Variants in IL1RAPL1 observed in about 807,000 individuals in gnomAD.
IL1RAPL1 encodes the protein interleukin 1 receptor accessory protein like 1, also known as interleukin-1 receptor accessory protein-like 1.
Under a neutral mutation model 48.4 loss-of-function variants are expected in IL1RAPL1, and 3 were observed. The ratio of observed to expected loss-of-function variants is 0.06; its 90% CI spans 0.03 to 0.16. The LOEUF is 0.16. IL1RAPL1 is among the 10% of genes least tolerant of loss of function. IL1RAPL1 has a pLI of 1.00. For synonymous variants in IL1RAPL1, 185 were observed against 187.7 expected, an observed-to-expected ratio of 0.99 and a Z score of 0.12; for missense variants, 349 against 530.6, an observed-to-expected ratio of 0.66 and a Z score of 3.36.
At chrX:29,034,949 G>A (rs1244612747) in intron 2 of IL1RAPL1, among the ~76,000 whole-genome samples, 1 of 109,530 alleles carries the variant, frequency 9.1e-6, no homozygotes, top group African/African-American at 3.3e-5. Context: ...CTGCCTCCTG[G>A]GTTCACACCA....
intron 1 of IL1RAPL1, among the ~76,000 whole-genome samples, chrX:28,749,491 T>C (rs1936014321): frequency 8.9e-6 from 1 of 111,815 alleles, no homozygotes; most frequent in Non-Finnish European, 1.9e-5. Context: ...TTGAGGTTGA[T>C]TTGCATTTCT....
intron 2 of IL1RAPL1, among the ~76,000 whole-genome samples, chrX:28,952,334 A>T (rs745311648): frequency 1.8e-5 from 2 of 111,425 alleles, no homozygotes; most frequent in Non-Finnish European, 3.8e-5. Context: ...ATGGGCATTT[A>T]AAAAAGTTAT....
chrX:29,310,093 C>CAAAAA lies in IL1RAPL1; in HGVS notation c.362+26908_362+26912dup, dbSNP rs57210050. ...TGGGCGACAGAGCGAGACTCCGTCTCAAAAAAAAAAAAAAAAAAAAAAAAA... is the reference window on the plus strand; with the variant it reads ...TGGGCGACAGAGCGAGACTCCGTCTCAAAAAAAAAAAAAAAAAAAAAAAAAAAAAA... On this transcript the variant is annotated intron_variant, in intron 3 of 10. Coordinates refer to ENST00000378993, the MANE Select transcript of IL1RAPL1 (RefSeq NM_014271.4). 3.4e-3 allele frequency among the ~76,000 whole-genome samples: 80 copies of CAAAAA among 23,729 alleles called. 4 individuals are homozygous for CAAAAA. The highest frequency in any genetic ancestry group is 6.8e-3 in the East Asian group (3 of 443). 20.6% of individuals were successfully genotyped at this position (23,729 alleles called of 115,157 possible). A position where few individuals can be genotyped will look rare whatever the true frequency, so the allele number is the denominator to read the frequency against.
At chrX:29,921,387 C>T (rs773571566) in intron 8 of IL1RAPL1, among the ~76,000 whole-genome samples, 8 of 111,608 alleles carry the variant, frequency 7.2e-5, no homozygotes, top group African/African-American at 1.9e-4. Context: ...CTTTATTGGG[C>T]AATAGATTCC....
chrX:28,784,868 C>T (rs551662097), intron 1 of IL1RAPL1, among the ~76,000 whole-genome samples: 118 of 111,306 alleles, frequency 1.1e-3, no homozygotes, highest in Admixed American at 1.4e-3. Flanking sequence ...CTCTTCTTTC[C>T]TCTGAATCTC....
intron 2 of IL1RAPL1, among the ~76,000 whole-genome samples, chrX:29,112,491 G>A (rs1928592496): frequency 9.4e-6 from 1 of 106,036 alleles, no homozygotes; most frequent in South Asian, 4.2e-4. Flanking sequence ...TTTTCAATAG[G>A]AACAGTCAGG....
intron 2 of IL1RAPL1, among the ~76,000 whole-genome samples, chrX:28,961,940 C>T (rs771168908): frequency 9.0e-6 from 1 of 111,499 alleles, no homozygotes; most frequent in South Asian, 3.8e-4. Flanking sequence ...TTTGATTCAG[C>T]CAAAGAATAA....
In IL1RAPL1 at chrX:29,297,289, C is replaced by T. The variant is rs921686967; in HGVS notation, c.362+14072C>T. ...TTAAGTAAGATAGTTTAGTTTCTCA[C>T]GTAAAGTAGTTATAAGGTAGGCATT... On this transcript the variant is annotated intron_variant, in intron 3 of 10. Transcript: ENST00000378993. Among the ~76,000 whole-genome samples the T allele has an allele frequency of 2.5e-4, 28 of 112,382 alleles. No homozygotes were observed. In the East Asian group the frequency reaches 3.1e-3, roughly 12 times the overall value.
intron 6 of IL1RAPL1, among the ~76,000 whole-genome samples, chrX:29,797,405 A>C (rs1264650134): frequency 8.9e-6 from 1 of 112,141 alleles, no homozygotes; most frequent in Non-Finnish European, 1.9e-5. Flanking sequence ...CACGTTATTT[A>C]AATTCAACTC....
At chrX:29,076,709 G>A (rs1447706326) in intron 2 of IL1RAPL1, among the ~76,000 whole-genome samples, 3 of 110,437 alleles carry the variant, frequency 2.7e-5, no homozygotes, top group African/African-American at 6.6e-5. Context: ...TGGGAAATAC[G>A]AAAATACTTA....
intron 6 of IL1RAPL1, among the ~76,000 whole-genome samples, chrX:29,808,165 C>T (rs1445176100): frequency 3.6e-5 from 4 of 111,661 alleles, no homozygotes; most frequent in Non-Finnish European, 7.5e-5. Context: ...ATTTATATAA[C>T]AAGAGGTTTA....
At chrX:29,834,142 C>T in intron 6 of IL1RAPL1, among the ~76,000 whole-genome samples, 1 of 112,461 alleles carries the variant, frequency 8.9e-6, no homozygotes, top group East Asian at 2.8e-4. Context: ...TATGTATGTG[C>T]AATTAAGTGT....
intron 2 of IL1RAPL1, among the ~76,000 whole-genome samples, chrX:28,937,020 C>T (rs1457813182): frequency 9.0e-6 from 1 of 111,015 alleles, no homozygotes; most frequent in Non-Finnish European, 1.9e-5. Flanking sequence ...CTAGCATAGT[C>T]ATTTATGCAG....
At position 29,098,427 on chromosome X, in the gene IL1RAPL1, AATT is replaced by A. The variant is rs1487085120; in HGVS notation, c.83-184505_83-184503del. On this transcript the variant is annotated intron_variant, in intron 2 of 10. Coordinates refer to ENST00000378993, the MANE Select transcript of IL1RAPL1 (RefSeq NM_014271.4). ...CTTTTGTGTCAATTCATCATTTTACAATTATTATAATGTATCATTTTATTTATT... is the reference window on the plus strand; with the variant it reads ...CTTTTGTGTCAATTCATCATTTTACAATTATAATGTATCATTTTATTTATT... Among the ~76,000 whole-genome samples, 3 of 112,257 alleles carry A rather than the reference AATT, an allele frequency of 2.7e-5. No individual in the cohort carries two copies. The East Asian group carries it at 8.3e-4, about 31-fold the overall frequency.
rs986088018 is a variant in IL1RAPL1 at position 29,345,899 on chromosome X, C to T, written c.363-50359C>T. Among the ~76,000 whole-genome samples, 4 of 111,732 alleles carry T rather than the reference C, an allele frequency of 3.6e-5. No individual in the cohort carries two copies. In the South Asian group the frequency reaches 1.5e-3, roughly 42 times the overall value. On this transcript the variant is annotated intron_variant, in intron 3 of 10. Coordinates refer to ENST00000378993, the MANE Select transcript of IL1RAPL1 (RefSeq NM_014271.4). ...CTATGGAATATTATTAGCTTAACTA[C>T]CTGGGTGATTAGCAAAAGTTTTATA...
intron 2 of IL1RAPL1, among the ~76,000 whole-genome samples, chrX:29,223,566 A>G (rs1359952003): frequency 9.7e-6 from 1 of 102,775 alleles, no homozygotes; most frequent in Non-Finnish European, 2.0e-5. Context: ...TTTTTTTGAG[A>G]TGGAGTCTCA....
At chrX:29,725,191 A>G (rs1434205046) in intron 6 of IL1RAPL1, among the ~76,000 whole-genome samples, 1 of 111,344 alleles carries the variant, frequency 9.0e-6, no homozygotes, top group Non-Finnish European at 1.9e-5. Flanking sequence ...GAAATTATAT[A>G]TATATTCCTT....
chrX:29,378,694 A>G (rs1308412855), intron 3 of IL1RAPL1, among the ~76,000 whole-genome samples: 2 of 112,344 alleles, frequency 1.8e-5, no homozygotes, highest in Non-Finnish European at 3.8e-5. Flanking sequence ...GTACATAGGA[A>G]TAACGGTCAG....
At chrX:28,722,711 T>C (rs1215310742) in intron 1 of IL1RAPL1, among the ~76,000 whole-genome samples, 1 of 111,879 alleles carries the variant, frequency 8.9e-6, no homozygotes, top group Non-Finnish European at 1.9e-5. Context: ...CCATTCAGTA[T>C]GATATTGGCT....
Sources: allele counts gnomAD v4.1 joint callset (sites outside exome capture counted in the v4.1 genomes callset), GRCh38; gene constraint gnomAD v4.1.1; transcripts MANE v1.5; gene names NCBI Gene and HGNC (gene_info 2026-07-23, HGNC 2026-07-21).